Variants in CDC42BPA observed in about 807,000 individuals in gnomAD.
CDC42BPA encodes the protein serine/threonine-protein kinase MRCK alpha.
Under a neutral mutation model 223.5 loss-of-function variants are expected in CDC42BPA, and 80 were observed. That is an observed-to-expected ratio of 0.36 (90% confidence interval 0.30 to 0.43). The LOEUF (loss-of-function observed/expected upper bound fraction) is 0.43, where lower values mean the gene tolerates loss of function less well. Among genes scored for constraint, CDC42BPA ranks in the 20% least tolerant of loss-of-function variants. CDC42BPA has a pLI of 1.00. For missense variants in CDC42BPA, 1,743 were observed against 2,099.9 expected (o/e 0.83, Z 3.32); for synonymous variants, 694 against 718.6 (o/e 0.97, Z 0.55).
At chr1:227,157,562 A>T (rs1254885431) in intron 6 of CDC42BPA, among the ~76,000 whole-genome samples, 1 of 152,152 alleles carries the variant, frequency 6.6e-6, no homozygotes, top group Non-Finnish European at 1.5e-5. Context: ...ACATGGCCAG[A>T]TGTGGTTCTC....
chr1:227,023,298 G>T lies in CDC42BPA; in HGVS notation c.4580C>A (p.Thr1527Asn). Residue 1527 changes from threonine (T) to asparagine (N), a missense_variant, in exon 32 of 37, where the codon ACC becomes AAC. Around this residue, in one of 6 missense-constraint regions of CDC42BPA, gnomAD observed 678 missense variants for 777.5 expected, o/e 0.87. Transcript: ENST00000366766. ...ATTTTTGAAATATATTAATCTAATG[G>T]TCTCCAACCCTAAAAGATTTAATGA... ...EGSLNLLGLE[T>N]IRLIYFKNKM... 1 of 1,538,434 alleles carries T rather than the reference G, an allele frequency of 6.5e-7. No individual in the cohort carries two copies. Among genetic ancestry groups the T allele is most frequent in the Non-Finnish European group, 8.9e-7 (1 of 1,119,894 alleles).
At chr1:227,157,955 C>CTTTTTTTTTTTTTTTTTTTTTTTT in intron 6 of CDC42BPA, among the ~76,000 whole-genome samples, 1 of 144,962 alleles carries the variant, frequency 6.9e-6, no homozygotes, top group Non-Finnish European at 1.5e-5. Flanking sequence ...ATTTTTATAA[C>CTTTTTTTTTTTTTTTTTTTTTTTT]TTTTTTTTTT....
At chr1:227,197,647 C>T (rs922520350) in intron 4 of CDC42BPA, among the ~76,000 whole-genome samples, 26 of 151,930 alleles carry the variant, frequency 1.7e-4, no homozygotes, top group African/African-American at 6.3e-4. Context: ...AATATACCTA[C>T]AAAATTATAT....
chr1:227,129,712 T>TATATATATATATATATATATAC (rs1656656462), intron 10 of CDC42BPA, among the ~76,000 whole-genome samples: 6 of 121,080 alleles, frequency 5.0e-5, no homozygotes, highest in Non-Finnish European at 8.6e-5. Context: ...CATATATATA[T>TATATATATATATATATATATAC]ATACAAAAGA....
At chr1:227,015,261 TA>T in intron 34 of CDC42BPA, among the ~76,000 whole-genome samples, 1 of 151,946 alleles carries the variant, frequency 6.6e-6, no homozygotes, top group African/African-American at 2.4e-5. Flanking sequence ...CCATCTCTAC[TA>T]AAAATACAAA....
chr1:227,166,884 A>G (rs1461084941), intron 5 of CDC42BPA, among the ~76,000 whole-genome samples: 3 of 152,132 alleles, frequency 2.0e-5, no homozygotes, highest in Admixed American at 2.0e-4. Flanking sequence ...TACTTCATTC[A>G]AACTTGGGGG....
intron 30 of CDC42BPA, among the ~76,000 whole-genome samples, chr1:227,027,591 C>G (rs561868306): frequency 9.9e-5 from 15 of 152,164 alleles, no homozygotes; most frequent in African/African-American, 3.4e-4. Context: ...AAAAACAAAA[C>G]AGTTTGGATG....
intron 12 of CDC42BPA, among the ~76,000 whole-genome samples, chr1:227,114,277 C>T (rs1014022497): frequency 1.3e-5 from 2 of 151,860 alleles, no homozygotes; most frequent in Admixed American, 6.6e-5. Flanking sequence ...AGAACAGACA[C>T]TGAAGAAGTA....
intron 14 of CDC42BPA, among the ~76,000 whole-genome samples, chr1:227,105,496 G>A (rs1262013492): frequency 6.6e-6 from 1 of 151,078 alleles, no homozygotes; most frequent in Non-Finnish European, 1.5e-5. Flanking sequence ...TGGGACTACA[G>A]GCATCTACCA....
At chr1:227,097,753 C>A (rs1030102569) in intron 15 of CDC42BPA, among the ~76,000 whole-genome samples, 1 of 152,134 alleles carries the variant, frequency 6.6e-6, no homozygotes, top group Non-Finnish European at 1.5e-5. Context: ...GGGAAGAATG[C>A]CTCAAATGAG....
chr1:227,156,985 T>G (rs753736636), intron 6 of CDC42BPA, among the ~76,000 whole-genome samples: 3 of 152,356 alleles, frequency 2.0e-5, no homozygotes, highest in East Asian at 3.9e-4. Context: ...TACCCACTTC[T>G]CACTTTATAT....
chr1:227,009,256 T>A (rs979956419), intron 34 of CDC42BPA, among the ~76,000 whole-genome samples: 3 of 152,216 alleles, frequency 2.0e-5, no homozygotes, highest in Non-Finnish European at 4.4e-5. Context: ...TTAAATAAAC[T>A]TCATTATAAA....
intron 24 of CDC42BPA, among the ~76,000 whole-genome samples, chr1:227,038,465 C>A (rs1018855412): frequency 1.2e-4 from 18 of 152,166 alleles, no homozygotes; most frequent in Non-Finnish European, 2.5e-4. Context: ...AAAGATGAAA[C>A]CTGCAGTAGC....
intron 29 of CDC42BPA, among the ~76,000 whole-genome samples, chr1:227,030,166 G>C (rs190343432): frequency 3.3e-5 from 5 of 151,606 alleles, no homozygotes; most frequent in South Asian, 2.1e-4. Context: ...ATCTGAGTTC[G>C]TACAGAACTG....
intron 5 of CDC42BPA, among the ~76,000 whole-genome samples, chr1:227,174,297 A>G (rs1358436143): frequency 6.6e-6 from 1 of 152,190 alleles, no homozygotes; most frequent in East Asian, 1.9e-4. Flanking sequence ...TCAGGCCTGT[A>G]AGAGACTGAG....
intron 1 of CDC42BPA, among the ~76,000 whole-genome samples, chr1:227,300,683 GA>G (rs1691473708): frequency 6.6e-6 from 1 of 152,122 alleles, no homozygotes; most frequent in African/African-American, 2.4e-5. Flanking sequence ...GGAGAAGGAA[GA>G]AAGGGGGTAA....
intron 5 of CDC42BPA, chr1:227,182,888 T>C (rs1452208888): frequency 6.6e-6 from 1 of 152,244 alleles, no homozygotes. Context: ...TGCTTCCGCT[T>C]TCCCTGCCCT....
intron 34 of CDC42BPA, among the ~76,000 whole-genome samples, chr1:227,014,437 A>C (rs1419310481): frequency 6.6e-6 from 1 of 152,162 alleles, no homozygotes; most frequent in Non-Finnish European, 1.5e-5. Context: ...GGTAATGGTA[A>C]TAAGAATGTC....
chr1:227,250,285 C>T (rs763416350), intron 2 of CDC42BPA, among the ~76,000 whole-genome samples: 8 of 151,790 alleles, frequency 5.3e-5, no homozygotes, highest in Non-Finnish European at 7.4e-5. Context: ...GTCAGGAGTT[C>T]GAGACCAGCC....
Sources: gnomAD v4.1 joint callset for allele counts (sites outside exome capture counted in the v4.1 genomes callset) on GRCh38, gnomAD v4.1.1 for gene constraint, gnomAD v4.1.1 regional missense constraint, MANE v1.5 for transcripts, NCBI Gene and HGNC (gene_info 2026-07-23, HGNC 2026-07-21) for gene names.